Variants in ATRNL1 observed in about 807,000 individuals in gnomAD.
ATRNL1 encodes the protein attractin-like protein 1.
Under a neutral mutation model 182.7 loss-of-function variants are expected in ATRNL1, and 95 were observed. The observed-to-expected ratio is 0.52, with a 90% CI of 0.44 to 0.62. The LOEUF (loss-of-function observed/expected upper bound fraction) is 0.62, where lower values mean the gene tolerates loss of function less well. ATRNL1 is among the 20% of genes least tolerant of loss of function. The probability of loss-of-function intolerance (pLI) is 0.00; values close to 1 mark genes in which losing one functional copy is unlikely to be tolerated. For missense variants in ATRNL1, 1,471 were observed against 1,679.5 expected, an observed-to-expected ratio of 0.88 and a Z score of 2.17; for synonymous variants, 576 against 568.3, an observed-to-expected ratio of 1.01 and a Z score of -0.19.
At chr10:115,243,997 A>G (rs1409045144) in intron 10 of ATRNL1, among the ~76,000 whole-genome samples, 1 of 152,098 alleles carries the variant, frequency 6.6e-6, no homozygotes, top group Non-Finnish European at 1.5e-5. Flanking sequence ...TATTTTTCAT[A>G]TTATTATTTA....
At chr10:115,557,777 T>C (rs1853398042) in intron 26 of ATRNL1, among the ~76,000 whole-genome samples, 1 of 152,158 alleles carries the variant, frequency 6.6e-6, no homozygotes, top group Non-Finnish European at 1.5e-5. Flanking sequence ...CTGGGCACAG[T>C]GGCTCATGCC....
chr10:115,256,552 G>A (rs901708154), intron 10 of ATRNL1, among the ~76,000 whole-genome samples: 20 of 151,916 alleles, frequency 1.3e-4, no homozygotes, highest in Middle Eastern at 6.8e-3. Context: ...TCTTGCTAGC[G>A]GTCTATCAAT....
At chr10:115,123,424 A>G (rs1460842256) in intron 3 of ATRNL1, among the ~76,000 whole-genome samples, 1 of 152,318 alleles carries the variant, frequency 6.6e-6, no homozygotes, top group Non-Finnish European at 1.5e-5. Context: ...ATTTAAAAGC[A>G]TATGCTGTTT....
At chr10:115,430,464 AC>A (rs1554963736) in intron 21 of ATRNL1, among the ~76,000 whole-genome samples, 1 of 151,888 alleles carries the variant, frequency 6.6e-6, no homozygotes, top group African/African-American at 2.4e-5. Flanking sequence ...ATCTTTAAAA[AC>A]GTAATTATTT....
chr10:115,474,246 A>G lies in ATRNL1; in HGVS notation c.3654+4917A>G, dbSNP rs138044255. 6.4e-4 allele frequency among the ~76,000 whole-genome samples: 97 copies of G among 151,442 alleles called. 1 individual carries two copies. In the East Asian group the frequency reaches 0.014, roughly 22 times the overall value. The stretch of plus-strand genomic sequence containing the variant: ...GCCAGGTAAGGTATTCTTGGTTGGT[A>G]GTACTTTTCTTTTAGCACTTTAAAT... On this transcript the variant is annotated intron_variant, in intron 24 of 28. Transcript: ENST00000355044.
At chr10:115,772,792 AAG>A (rs1392607468) in intron 27 of ATRNL1, among the ~76,000 whole-genome samples, 2 of 152,156 alleles carry the variant, frequency 1.3e-5, no homozygotes, top group East Asian at 3.9e-4. Context: ...CTCAAGGCCA[AAG>A]AGTACATCTT....
At chr10:115,601,877 C>T (rs549799897) in intron 26 of ATRNL1, among the ~76,000 whole-genome samples, 3 of 152,052 alleles carry the variant, frequency 2.0e-5, no homozygotes, top group Admixed American at 2.0e-4. Flanking sequence ...ATTATCTATA[C>T]TATGTGTCTC....
At chr10:115,869,462 T>C (rs906861944) in intron 28 of ATRNL1, among the ~76,000 whole-genome samples, 1 of 152,144 alleles carries the variant, frequency 6.6e-6, no homozygotes, top group Admixed American at 6.5e-5. Flanking sequence ...CATGCCTGCA[T>C]GCACAGGTGC....
At chr10:115,792,872 TC>T (rs1362217813) in intron 27 of ATRNL1, among the ~76,000 whole-genome samples, 3 of 151,950 alleles carry the variant, frequency 2.0e-5, no homozygotes, top group Non-Finnish European at 4.4e-5. Flanking sequence ...AACTGAAATA[TC>T]TATTTTCAGT....
intron 21 of ATRNL1, among the ~76,000 whole-genome samples, chr10:115,445,506 CGTGTGTGTGTGTGTGTGTGTGTGTGT>C (rs57237450): frequency 1.7e-5 from 2 of 119,272 alleles, no homozygotes; most frequent in South Asian, 3.1e-4. Flanking sequence ...CTCATTTGTC[CGTGTGTGTGTGTGTGTGTGTGTGTGT>C]GTGTGTGTGT....
chr10:115,203,427 G>A (rs1473301787), intron 8 of ATRNL1, among the ~76,000 whole-genome samples: 9 of 152,012 alleles, frequency 5.9e-5, no homozygotes, highest in African/African-American at 2.2e-4. Flanking sequence ...CTGTCTAACT[G>A]AATGTTTATG....
intron 26 of ATRNL1, among the ~76,000 whole-genome samples, chr10:115,698,614 C>G (rs1946635786): frequency 6.6e-6 from 1 of 152,026 alleles, no homozygotes; most frequent in Admixed American, 6.6e-5. Context: ...CCCGTCTCTA[C>G]TAAAAATACA....
At chr10:115,100,551 A>G (rs1264006416) in intron 1 of ATRNL1, among the ~76,000 whole-genome samples, 4 of 152,172 alleles carry the variant, frequency 2.6e-5, no homozygotes, top group Non-Finnish European at 4.4e-5. Context: ...ACCTTTGTTG[A>G]AACCATTCAT....
chr10:115,170,053 A>T (rs1847227137), intron 7 of ATRNL1, among the ~76,000 whole-genome samples: 1 of 152,106 alleles, frequency 6.6e-6, no homozygotes, highest in Non-Finnish European at 1.5e-5. Flanking sequence ...AATTTTTAGG[A>T]CTTTCTATAT....
At chr10:115,258,922 G>T (rs782125961) in intron 10 of ATRNL1, among the ~76,000 whole-genome samples, 12 of 152,210 alleles carry the variant, frequency 7.9e-5, no homozygotes, top group Admixed American at 2.0e-4. Context: ...TCCGGACCCT[G>T]TTTGCCTGGG....
chr10:115,660,131 G>T (rs111778024), intron 26 of ATRNL1, among the ~76,000 whole-genome samples: 1 of 152,188 alleles, frequency 6.6e-6, no homozygotes, highest in Admixed American at 6.5e-5. Flanking sequence ...ATAGGGGGAC[G>T]AACCAATGTA....
chr10:115,502,587 C>T (rs1223486803), intron 24 of ATRNL1, among the ~76,000 whole-genome samples: 1 of 151,638 alleles, frequency 6.6e-6, no homozygotes, highest in Non-Finnish European at 1.5e-5. Flanking sequence ...TAATCCTGAC[C>T]ATAGGATATA....
intron 27 of ATRNL1, among the ~76,000 whole-genome samples, chr10:115,846,214 A>C (rs1242987039): frequency 6.6e-6 from 1 of 152,024 alleles, no homozygotes; most frequent in Non-Finnish European, 1.5e-5. Context: ...CACCATCGCC[A>C]CTTTCACCTT....
intron 25 of ATRNL1, among the ~76,000 whole-genome samples, chr10:115,529,317 A>G (rs1851425664): frequency 6.6e-6 from 1 of 151,728 alleles, no homozygotes; most frequent in Non-Finnish European, 1.5e-5. Flanking sequence ...GAATTTGTCT[A>G]TGTCTTTTTG....
Sources: allele counts gnomAD v4.1 joint callset (sites outside exome capture counted in the v4.1 genomes callset), GRCh38; gene constraint gnomAD v4.1.1; transcripts MANE v1.5; gene names NCBI Gene and HGNC (gene_info 2026-07-23, HGNC 2026-07-21).